Variants in NLRP14 observed in about 807,000 individuals in gnomAD.
NLRP14 encodes NLR family pyrin domain containing 14, also known as NACHT, LRR and PYD domains-containing protein 14.
A neutral mutation model predicts 94.7 loss-of-function variants in NLRP14; 105 were observed. That is an observed-to-expected ratio of 1.11 (90% CI 0.95 to 1.30). The LOEUF (loss-of-function observed/expected upper bound fraction) is 1.30, where lower values mean the gene tolerates loss of function less well. NLRP14 is among the 50% of genes most tolerant of loss of function. NLRP14 has a pLI of 0.00. For missense variants in NLRP14, 1,362 were observed against 1,254.1 expected, an observed-to-expected ratio of 1.09 and a Z score of -1.30; for synonymous variants, 508 against 459.9, an observed-to-expected ratio of 1.10 and a Z score of -1.34.
At chr11:7,053,953 A>T (rs1852481206) in intron 6 of NLRP14, among the ~76,000 whole-genome samples, 1 of 151,806 alleles carries the variant, frequency 6.6e-6, no homozygotes, top group Admixed American at 6.6e-5. Flanking sequence ...TCATTCCCCC[A>T]CTGTGCTTCC....
chr11:7,022,924 C>T (rs1473310819), intron 1 of NLRP14, among the ~76,000 whole-genome samples: 3 of 152,124 alleles, frequency 2.0e-5, no homozygotes, highest in East Asian at 1.9e-4. Context: ...TACAGTGTTT[C>T]GTATACAATG....
intron 4 of NLRP14, 36 bp downstream of exon 4, chr11:7,044,020 G>C: frequency 6.3e-7 from 1 of 1,589,352 alleles, no homozygotes. Context: ...GAAGTGCCCT[G>C]TAAGGGAGAG....
chr11:7,072,966 G>A (rs79326329), downstream of NLRP14, among the ~76,000 whole-genome samples: 8,086 of 152,162 alleles, frequency 0.053, 339 homozygotes, highest in African/African-American at 0.11. Context: ...AAAGGTTTAC[G>A]AGTGCTTGAC....
In NLRP14 at chr11:7,038,770, A is replaced by T; in HGVS notation, c.184A>T (p.Met62Leu). Residue 62 changes from methionine to leucine, a missense_variant, in exon 2 of 12, where the codon ATG becomes TTG. Transcript: ENST00000299481. ...KARREDLANL[M>L]KKYYPGEKAW... ...CAGGCGGGAGGACCTGGCCAATTTG[A>T]TGAAGAAATATTATCCAGGAGAGAA... 6.2e-7 allele frequency: 1 copy of T among 1,613,590 alleles called. No individual in the cohort carries two copies. Among genetic ancestry groups the T allele is most frequent in the Non-Finnish European group, 8.5e-7 (1 of 1,179,876 alleles).
chr11:7,075,100 G>A (rs1589878872), downstream of NLRP14, among the ~76,000 whole-genome samples: 1 of 152,094 alleles, frequency 6.6e-6, no homozygotes, highest in African/African-American at 2.4e-5. Flanking sequence ...TAAGGGGAGG[G>A]AGTAATGTGG....
Position 7,071,097 on chromosome 11 carries a change from T to C in NLRP14, c.3147-76T>C, listed in dbSNP as rs543336133. The C allele has an allele frequency of 5.2e-6, 8 of 1,545,032 alleles. No homozygotes were observed. In the African/African-American group the frequency reaches 1.1e-4, roughly 21 times the overall value. Reference sequence around the variant, plus strand: ...CAGAACAGTTTTTTTTCTCCTGAAATAAATCCTTTACAGAGAAAGTGGAGG... The same window carrying C: ...CAGAACAGTTTTTTTTCTCCTGAAACAAATCCTTTACAGAGAAAGTGGAGG... On this transcript the variant is annotated intron_variant, in intron 11 of 11. Coordinates refer to ENST00000299481, the MANE Select transcript of NLRP14 (RefSeq NM_176822.4).
intron 1 of NLRP14, among the ~76,000 whole-genome samples, chr11:7,029,682 C>T (rs1014846879): frequency 1.3e-5 from 2 of 152,162 alleles, no homozygotes; most frequent in Non-Finnish European, 1.5e-5. Flanking sequence ...CAAAACCAAA[C>T]CTAGAATTTA....
chr11:7,026,258 T>C (rs1025446901), intron 1 of NLRP14, among the ~76,000 whole-genome samples: 2 of 152,204 alleles, frequency 1.3e-5, no homozygotes, highest in African/African-American at 2.4e-5. Context: ...CCTACTCATC[T>C]GACAAAGGGC....
chr11:7,057,977 A>G lies in NLRP14; in HGVS notation c.2462+130A>G. The G allele has an allele frequency of 3.8e-6, 3 of 782,820 alleles. No homozygotes were observed. In the East Asian group the frequency reaches 7.5e-5, roughly 20 times the overall value. The allele number at this position is 782,820 out of a possible 1,614,324, so 48.5% of individuals were successfully genotyped here. A position where few individuals can be genotyped will look rare whatever the true frequency, so the allele number is the denominator to read the frequency against. ...CGTTTGTCAATTCTGAATAAGCTCT[A>G]CATGCATCCCCCTTCTCTTCCTCTA... On this transcript the variant is annotated intron_variant, in intron 7 of 11. Transcript: ENST00000299481.
chr11:7,052,458 C>A (rs921267712), intron 6 of NLRP14, among the ~76,000 whole-genome samples: 2 of 152,130 alleles, frequency 1.3e-5, no homozygotes, highest in Non-Finnish European at 2.9e-5. Flanking sequence ...CATGGCAAAA[C>A]CCCATCTCTA....
intron 8 of NLRP14, among the ~76,000 whole-genome samples, chr11:7,058,960 T>C (rs543167976): frequency 2.6e-4 from 39 of 152,126 alleles, no homozygotes; most frequent in African/African-American, 8.2e-4. Flanking sequence ...GCCTTCCAGA[T>C]AGATTATTTA....
chr11:7,072,778 G>T (rs980064458), downstream of NLRP14, among the ~76,000 whole-genome samples: 1 of 152,176 alleles, frequency 6.6e-6, no homozygotes, highest in African/African-American at 2.4e-5. Context: ...CTTTATCAGG[G>T]ATTGTGGTTT....
intron 1 of NLRP14, among the ~76,000 whole-genome samples, chr11:7,031,935 ATAGTGCTT>A (rs952418043): frequency 3.3e-5 from 5 of 152,286 alleles, no homozygotes; most frequent in East Asian, 3.9e-4. Flanking sequence ...TCTCTAGCCT[ATAGTGCTT>A]TAGTGCTTTA....
At position 7,043,137 on chromosome 11, in the gene NLRP14, G is replaced by C; in HGVS notation, c.1111G>C (p.Val371Leu). The C allele has an allele frequency of 1.9e-6, 3 of 1,614,148 alleles. No individual in the cohort carries two copies. Among genetic ancestry groups the C allele is most frequent in the Non-Finnish European group, 2.5e-6 (3 of 1,180,018 alleles). ...GTTTAGCATGTGCCAAGTCCCCCTAGTGTGCTGGGCCGCTTGTACTTGTCT... is the reference window on the plus strand; with the variant it reads ...GTTTAGCATGTGCCAAGTCCCCCTACTGTGCTGGGCCGCTTGTACTTGTCT... ...MLFSMCQVPL[V>L]CWAACTCLKQ... Residue 371 changes from valine (V) to leucine (L), a missense_variant, in exon 4 of 12, where the codon GTG (valine) becomes CTG (leucine). Physicochemically the swap from Val to Leu is conservative, Grantham distance 32 (BLOSUM62 1). Coordinates refer to ENST00000299481, the MANE Select transcript of NLRP14 (RefSeq NM_176822.4).
At chr11:7,042,255 C>A in intron 3 of NLRP14, 133 bp from the exon 4 acceptor site, 2 of 649,870 alleles carry the variant, frequency 3.1e-6, no homozygotes, top group East Asian at 2.7e-5. Flanking sequence ...AAATCAAAAC[C>A]AGCTCTGATT....
the NLRP14 span, chr11:7,089,067 T>G: frequency 2.5e-6 from 4 of 1,575,934 alleles, no homozygotes; most frequent in Non-Finnish European, 3.5e-6. Flanking sequence ...AGGCTGCGAC[T>G]GGCGCCGCCT....
the NLRP14 span, among the ~76,000 whole-genome samples, chr11:7,077,387 A>G: frequency 1.3e-5 from 2 of 152,240 alleles, no homozygotes; most frequent in African/African-American, 4.8e-5. Flanking sequence ...AATTTCGCCA[A>G]TCTGGGCCGA....
chr11:7,030,969 G>C (rs1302498701), intron 1 of NLRP14, among the ~76,000 whole-genome samples: 1 of 152,314 alleles, frequency 6.6e-6, no homozygotes, highest in African/African-American at 2.4e-5. Flanking sequence ...AGTGGGAGCA[G>C]AGCTCCCTTG....
rs745711211 is a variant in NLRP14 at position 7,042,440 on chromosome 11, G to A, written c.414G>A (p.Trp138Ter). 1 of 1,613,914 alleles carries A rather than the reference G, an allele frequency of 6.2e-7. No individual in the cohort carries two copies. The stretch of plus-strand genomic sequence containing the variant: ...TAAAGGAAAAATTTTGCATCACTTG[G>A]GACAAGAAGTCTTTGGCTGGAAAGC... Reference protein sequence around the residue: ...NRIKEKFCITWDKKSLAGKPE... With the variant: ...NRIKEKFCIT The change falls in exon 4 of 12, where the codon TGG becomes TGA. Residue 138 changes from tryptophan to a stop codon, truncating the protein, a stop_gained. Transcript: ENST00000299481. LOFTEE classifies it high-confidence loss of function.
Sources: allele counts gnomAD v4.1 joint callset (sites outside exome capture counted in the v4.1 genomes callset), GRCh38; gene constraint gnomAD v4.1.1; transcripts MANE v1.5; gene names NCBI Gene and HGNC (gene_info 2026-07-23, HGNC 2026-07-21).